The following INSC variants were observed in gnomAD, a reference collection of about 807,000 sequenced individuals.
INSC encodes the protein INSC spindle orientation adaptor protein.
In INSC, 67 loss-of-function variants were observed where a neutral mutation model predicts 58.6. The observed-to-expected ratio is 1.14, with a 90% CI of 0.94 to 1.40. The LOEUF (loss-of-function observed/expected upper bound fraction) is 1.40. Ranked by LOEUF, INSC falls within the 40% of genes most tolerant of loss-of-function variation. The pLI is 0.00. For missense variants in INSC, 714 were observed against 692.0 expected (o/e 1.03, Z -0.36); for synonymous variants, 262 against 276.1 (o/e 0.95, Z 0.51).
chr11:15,161,977 G>A (rs1849035649), intron 2 of INSC, among the ~76,000 whole-genome samples: 1 of 152,296 alleles, frequency 6.6e-6, no homozygotes, highest in Admixed American at 6.5e-5. Context: ...GGTTTAATTA[G>A]CTGTTTAGTA....
At chr11:15,134,827 C>CTTTATTTATTTATTTATTTATTTA (rs112337509) in intron 1 of INSC, among the ~76,000 whole-genome samples, 207 of 150,910 alleles carry the variant, frequency 1.4e-3, no homozygotes, top group African/African-American at 3.8e-3. Flanking sequence ...CATCTTCCTC[C>CTTTATTTATTTATTTATTTATTTA]TTTATTTATT....
In INSC at chr11:15,177,255, TG is replaced by T. The variant is rs1338916846; in HGVS notation, c.455+95del. ...TCTTCTCCCAGAGGGAGAATGGGAATGGGAGGCGTGGTGGTGGTTTCAGAGT... is the reference window on the plus strand; with the variant it reads ...TCTTCTCCCAGAGGGAGAATGGGAATGGAGGCGTGGTGGTGGTTTCAGAGT... On this transcript the variant is annotated intron_variant, in intron 4 of 12. Transcript: ENST00000379556. The T allele has an allele frequency of 6.9e-5, 64 of 927,054 alleles. 1 individual carries two copies. In the Middle Eastern group the frequency reaches 1.0e-3, roughly 15 times the overall value. 57.4% of individuals were successfully genotyped at this position (927,054 alleles called of 1,614,324 possible).
At chr11:15,233,289 G>C (rs1182803177) in intron 9 of INSC, among the ~76,000 whole-genome samples, 3 of 152,168 alleles carry the variant, frequency 2.0e-5, no homozygotes, top group Non-Finnish European at 4.4e-5. Context: ...CTGGGTTGGG[G>C]AAACTGTCTG....
chr11:15,171,920 G>A (rs566662565), intron 2 of INSC, among the ~76,000 whole-genome samples: 21 of 152,306 alleles, frequency 1.4e-4, no homozygotes, highest in Non-Finnish European at 2.6e-4. Context: ...GAAGCCCACC[G>A]CTGGATCAAG....
chr11:15,112,538 C>T (rs766635308), upstream of INSC: 1 of 1,599,010 alleles, frequency 6.3e-7, no homozygotes, highest in Admixed American at 1.7e-5. Context: ...TATGGGGAGT[C>T]CAGGAGTCCA....
chr11:15,176,129 GGGTGC>G (rs1165796688), intron 3 of INSC, 43 bp downstream of exon 3: 1 of 1,442,436 alleles, frequency 6.9e-7, no homozygotes, highest in East Asian at 2.5e-5. Context: ...CTGGAAGTCA[GGGTGC>G]TTTAGAGAAG....
chr11:15,224,547 TG>T (rs1851559635), intron 8 of INSC, among the ~76,000 whole-genome samples: 1 of 152,206 alleles, frequency 6.6e-6, no homozygotes, highest in South Asian at 2.1e-4. Flanking sequence ...TTCTGAAGTA[TG>T]GCCTTGCCTC....
intron 9 of INSC, among the ~76,000 whole-genome samples, chr11:15,233,803 T>A (rs1852017862): frequency 6.6e-6 from 1 of 152,140 alleles, no homozygotes; most frequent in South Asian, 2.1e-4. Flanking sequence ...GCCAGCCTGG[T>A]GATGGTGGGA....
intron 7 of INSC, among the ~76,000 whole-genome samples, chr11:15,204,997 G>A (rs189136118): frequency 6.6e-6 from 1 of 152,218 alleles, no homozygotes; most frequent in Non-Finnish European, 1.5e-5. Context: ...GGGTTTGGGG[G>A]ACTTTTGTGG....
At chr11:15,228,444 A>T (rs1259680142) in intron 9 of INSC, among the ~76,000 whole-genome samples, 1 of 152,172 alleles carries the variant, frequency 6.6e-6, no homozygotes, top group East Asian at 1.9e-4. Flanking sequence ...TGAGCCAGGC[A>T]CGTCACCCAC....
At chr11:15,174,577 T>C (rs1590398754) in intron 2 of INSC, among the ~76,000 whole-genome samples, 1 of 152,170 alleles carries the variant, frequency 6.6e-6, no homozygotes, top group Admixed American at 6.5e-5. Flanking sequence ...AGGTGAAGAA[T>C]GTTTGAGGCA....
At chr11:15,214,973 G>A (rs534242614) in intron 7 of INSC, among the ~76,000 whole-genome samples, 3 of 152,236 alleles carry the variant, frequency 2.0e-5, no homozygotes, top group African/African-American at 7.2e-5. Flanking sequence ...GAAGTAAATC[G>A]ATTCTTTATA....
In INSC at chr11:15,225,735, C is replaced by T. The variant is rs374831507; in HGVS notation, c.1077C>T (p.Ala359=). Residue 359 remains alanine, a synonymous_variant, in exon 9 of 13, where the codon GCC becomes GCT. Coordinates refer to ENST00000379556, the MANE Select transcript of INSC (RefSeq NM_001042536.3). ...ACATCACGTTCTTTGACACAATGGC[C>T]TGCGAGATGCTCCTGCAGTTGAATG... is the stretch of plus-strand genomic sequence containing the variant. The part of the protein sequence containing the change: ...LANITFFDTM[A]CEMLLQLNAI... 21 of 1,613,998 alleles carry T rather than the reference C, an allele frequency of 1.3e-5. No homozygotes were observed. The highest frequency in any genetic ancestry group is 2.2e-5 in the East Asian group (1 of 44,894).
chr11:15,250,896 C>T (rs1852643323), downstream of INSC, among the ~76,000 whole-genome samples: 1 of 152,196 alleles, frequency 6.6e-6, no homozygotes, highest in Non-Finnish European at 1.5e-5. Context: ...AAATCTGCTT[C>T]TCCATAAAAG....
chr11:15,177,505 A>T (rs968706438), intron 4 of INSC, among the ~76,000 whole-genome samples: 15 of 152,066 alleles, frequency 9.9e-5, no homozygotes, highest in African/African-American at 3.6e-4. Context: ...GAAAGCCGAC[A>T]CTCACACCCT....
At chr11:15,248,792 A>C (rs917436010), downstream of INSC, among the ~76,000 whole-genome samples, 2 of 152,198 alleles carry the variant, frequency 1.3e-5, no homozygotes, top group African/African-American at 4.8e-5. Flanking sequence ...GCCTAGTAGG[A>C]AACAGACTTT....
intron 1 of INSC, among the ~76,000 whole-genome samples, chr11:15,120,956 C>T (rs1027836345): frequency 2.0e-5 from 3 of 151,790 alleles, no homozygotes; most frequent in Non-Finnish European, 2.9e-5. Context: ...TCTCTCCAAT[C>T]ATGCAAAAAT....
intron 7 of INSC, 30 bp downstream of exon 7, chr11:15,200,979 G>A (rs1007033786): frequency 6.4e-7 from 1 of 1,572,384 alleles, no homozygotes; most frequent in Admixed American, 1.9e-5. Flanking sequence ...TGGTGCCTGA[G>A]GTCCTCAAGC....
At chr11:15,124,521 G>A (rs1847945444) in intron 1 of INSC, among the ~76,000 whole-genome samples, 1 of 152,150 alleles carries the variant, frequency 6.6e-6, no homozygotes, top group Admixed American at 6.5e-5. Context: ...GCCCTATGGT[G>A]GAAAAGGTGA....
Sources: gnomAD v4.1 joint callset for allele counts (sites outside exome capture counted in the v4.1 genomes callset) on GRCh38, gnomAD v4.1.1 for gene constraint, MANE v1.5 for transcripts, NCBI Gene and HGNC (gene_info 2026-07-23, HGNC 2026-07-21) for gene names.